PTPRB: variants seen among roughly 807,000 people sequenced by gnomAD.
The protein encoded by PTPRB is receptor-type tyrosine-protein phosphatase beta.
Under a neutral mutation model 238.1 loss-of-function variants are expected in PTPRB, and 97 were observed. That is an observed-to-expected ratio of 0.41 (90% CI 0.35 to 0.48). The LOEUF (loss-of-function observed/expected upper bound fraction) is 0.48, where lower values mean the gene tolerates loss of function less well. Ranked by LOEUF, PTPRB falls within the 20% of genes least tolerant of loss-of-function variation. The probability of loss-of-function intolerance (pLI) is 0.30; values close to 1 mark genes in which losing one functional copy is unlikely to be tolerated. For missense variants in PTPRB, 2,292 were observed against 2,681.9 expected (o/e 0.85, Z 3.21); for synonymous variants, 970 against 995.4 (o/e 0.97, Z 0.48).
intron 28 of PTPRB, among the ~76,000 whole-genome samples, chr12:70,536,602 T>G (rs1874161422): frequency 6.6e-6 from 1 of 152,248 alleles, no homozygotes; most frequent in Non-Finnish European, 1.5e-5. Context: ...AACTGTTGAC[T>G]GAGCGTCTAC....
In PTPRB at chr12:70,530,516, G is replaced by A. The variant is rs533901755; in HGVS notation, c.6504+1519C>T. 9.2e-5 allele frequency among the ~76,000 whole-genome samples: 14 copies of A among 151,972 alleles called. No homozygotes were observed. The East Asian group carries it at 2.3e-3, about 25-fold the overall frequency. The stretch of plus-strand genomic sequence containing the variant: ...CACACATACATATATACATACACAC[G>A]TGTACACATACATATGTGTATATAA... On this transcript the variant is annotated intron_variant, in intron 32 of 33. Coordinates refer to ENST00000334414, the MANE Select transcript of PTPRB (RefSeq NM_001109754.4).
chr12:70,551,180 G>T (rs780614599), intron 21 of PTPRB, among the ~76,000 whole-genome samples: 24 of 152,226 alleles, frequency 1.6e-4, no homozygotes, highest in Non-Finnish European at 2.6e-4. Flanking sequence ...ACAGGCGTGA[G>T]CCTCCACGCC....
chr12:70,573,954 G>T (rs11610511), intron 11 of PTPRB, among the ~76,000 whole-genome samples: 20,781 of 152,134 alleles, frequency 0.14, 1,836 homozygotes, highest in Non-Finnish European at 0.2. Flanking sequence ...TTTAGAGCAT[G>T]ATATTAAGGA....
intron 2 of PTPRB, 62 bp downstream of exon 2, chr12:70,635,609 C>A: frequency 6.6e-7 from 1 of 1,521,264 alleles, no homozygotes; most frequent in Non-Finnish European, 8.8e-7. Context: ...AACAAACAAA[C>A]AAAACCCCCA....
chr12:70,599,145 A>C (rs182576256), intron 4 of PTPRB, among the ~76,000 whole-genome samples: 9 of 152,350 alleles, frequency 5.9e-5, no homozygotes, highest in African/African-American at 2.2e-4. Context: ...TGGATTTAAA[A>C]AGTTTTCAAA....
intron 3 of PTPRB, among the ~76,000 whole-genome samples, chr12:70,615,174 G>A (rs141585482): frequency 4.6e-5 from 7 of 152,202 alleles, no homozygotes; most frequent in South Asian, 2.1e-4. Flanking sequence ...CTGCGCAGTC[G>A]GTAAAATTAG....
At position 70,556,055 on chromosome 12, in the gene PTPRB, T is replaced by C. The variant is rs1292606290; in HGVS notation, c.4808A>G (p.Tyr1603Cys). Residue 1603 changes from tyrosine (Y) to cysteine (C), a missense_variant, in exon 19 of 34, where the codon TAT becomes TGT. Physicochemically the swap from Tyr to Cys is radical, Grantham distance 194. Coordinates refer to ENST00000334414, the MANE Select transcript of PTPRB (RefSeq NM_001109754.4). ...GTCCATTTTCCGGCATTCAATACTA[T>C]AACCATCAAAGTCAGAATCAGGAGG... ...WIPPDSDFDG[Y>C]SIECRKMDTQ... is the part of the protein sequence containing the mutation. 1 of 1,613,824 alleles carries C rather than the reference T, an allele frequency of 6.2e-7. No individual in the cohort carries two copies. The highest frequency in any genetic ancestry group is 1.7e-5 in the Admixed American group (1 of 60,004).
intron 29 of PTPRB, 140 bp downstream of exon 29, chr12:70,535,885 G>T: frequency 9.9e-7 from 1 of 1,012,406 alleles, no homozygotes; most frequent in Non-Finnish European, 1.4e-6. Flanking sequence ...AGAGTCTTTT[G>T]AACAGAGTGG....
chr12:70,636,718 T>TG (rs1363116050), intron 1 of PTPRB, among the ~76,000 whole-genome samples: 1 of 152,212 alleles, frequency 6.6e-6, no homozygotes, highest in African/African-American at 2.4e-5. Context: ...CTCTATTTTA[T>TG]GACAATATCT....
At chr12:70,596,359 AAAAAAAAGAAAGAAAAAG>A (rs2136484293) in intron 4 of PTPRB, 32 bp from the exon 5 acceptor site, 1 of 1,342,326 alleles carries the variant, frequency 7.4e-7, no homozygotes, top group African/African-American at 1.5e-5. Flanking sequence ...ACACACAAAA[AAAAAAAAGAAAGAAAAAG>A]AAAAAAAAAG....
At chr12:70,538,396 T>C (rs1874514985) in intron 27 of PTPRB, 165 bp from the exon 28 acceptor site, 1 of 580,882 alleles carries the variant, frequency 1.7e-6, no homozygotes, top group South Asian at 2.3e-5. Context: ...TTGCCCCATG[T>C]TGCATAGGTG....
intron 3 of PTPRB, among the ~76,000 whole-genome samples, chr12:70,617,367 A>G (rs919665087): frequency 3.3e-5 from 5 of 152,222 alleles, no homozygotes; most frequent in African/African-American, 1.2e-4. Context: ...TCCCCACAAT[A>G]TGTTATTTCC....
At chr12:70,615,350 G>C (rs1482795622) in intron 3 of PTPRB, among the ~76,000 whole-genome samples, 1 of 151,970 alleles carries the variant, frequency 6.6e-6, no homozygotes, top group Non-Finnish European at 1.5e-5. Context: ...GACCAGCCAA[G>C]ATTTTTTTAA....
intron 22 of PTPRB, chr12:70,543,096 T>A (rs887077902): frequency 1.6e-4 from 25 of 152,306 alleles, no homozygotes; most frequent in African/African-American, 5.8e-4. Context: ...CACAAGTTTT[T>A]AATTTTGATT....
At chr12:70,579,001 C>CAGT (rs1387772533) in intron 10 of PTPRB, among the ~76,000 whole-genome samples, 2 of 152,186 alleles carry the variant, frequency 1.3e-5, no homozygotes, top group Non-Finnish European at 2.9e-5. Context: ...TGAGGACCTA[C>CAGT]AGCAAAGAAG....
At chr12:70,631,274 G>A (rs556537445) in intron 2 of PTPRB, among the ~76,000 whole-genome samples, 200 of 152,086 alleles carry the variant, frequency 1.3e-3, no homozygotes, top group African/African-American at 4.6e-3. Context: ...AAATAATACC[G>A]CACATCTACA....
intron 31 of PTPRB, among the ~76,000 whole-genome samples, chr12:70,532,777 G>A (rs1043750595): frequency 1.3e-5 from 2 of 151,884 alleles, no homozygotes; most frequent in African/African-American, 4.8e-5. Context: ...GAGTAGCTGG[G>A]ACCACAGGCA....
At position 70,576,424 on chromosome 12, in the gene PTPRB, T is replaced by A; in HGVS notation, c.2800A>T (p.Ser934Cys). The A allele has an allele frequency of 6.2e-7, 1 of 1,610,748 alleles. No homozygotes were observed. The highest frequency in any genetic ancestry group is 8.5e-7 in the Non-Finnish European group (1 of 1,178,608). The part of the protein sequence containing the change: ...RLYTVTITTR[S>C]GKYENHSFSQ... ...AAGGAGTGATTTTCATACTTGCCACTCCTTGTAGTTATGGTCACGGTGTAG... is the reference window on the plus strand; with the variant it reads ...AAGGAGTGATTTTCATACTTGCCACACCTTGTAGTTATGGTCACGGTGTAG... Residue 934 changes from serine (S) to cysteine (C), a missense_variant, in exon 11 of 34, where the codon AGT (serine) becomes TGT (cysteine). This residue lies in a region of PTPRB where 1,205 missense variants were observed against 1,287.8 expected (regional missense o/e 0.94). Coordinates refer to ENST00000334414, the MANE Select transcript of PTPRB (RefSeq NM_001109754.4).
intron 11 of PTPRB, among the ~76,000 whole-genome samples, chr12:70,572,384 G>A (rs1052789666): frequency 3.3e-5 from 5 of 152,102 alleles, no homozygotes; most frequent in Non-Finnish European, 4.4e-5. Context: ...ATTAATATGA[G>A]TGATGGTAAA....
Sources: allele counts gnomAD v4.1 joint callset (sites outside exome capture counted in the v4.1 genomes callset), GRCh38; gene constraint gnomAD v4.1.1; regional missense constraint gnomAD v4.1.1; transcripts MANE v1.5; gene names NCBI Gene and HGNC (gene_info 2026-07-23, HGNC 2026-07-21).